IQGAP1: variants seen among roughly 807,000 people sequenced by gnomAD.
The protein encoded by IQGAP1 is IQ motif containing GTPase activating protein 1.
Under a neutral mutation model 215.6 loss-of-function variants are expected in IQGAP1, and 66 were observed. The ratio of observed to expected loss-of-function variants is 0.31; its 90% CI spans 0.25 to 0.38. The LOEUF (loss-of-function observed/expected upper bound fraction) is 0.38. IQGAP1 is among the 10% of genes least tolerant of loss of function. The pLI is 1.00. For synonymous variants in IQGAP1, 772 were observed against 728.7 expected, an observed-to-expected ratio of 1.06 and a Z score of -0.96; for missense variants, 1,712 against 1,997.1, an observed-to-expected ratio of 0.86 and a Z score of 2.72.
At chr15:90,434,987 AT>A (rs1415972868) in intron 5 of IQGAP1, among the ~76,000 whole-genome samples, 7 of 152,156 alleles carry the variant, frequency 4.6e-5, no homozygotes, top group Non-Finnish European at 1.5e-5. Context: ...GGCATCCTCT[AT>A]GTGTGCTTGC....
Position 90,398,304 on chromosome 15 carries a change from C to A in IQGAP1, c.155+7431C>A, listed in dbSNP as rs548311576. Among the ~76,000 whole-genome samples, 3 of 152,194 alleles carry A rather than the reference C, an allele frequency of 2.0e-5. 1 individual carries two copies. The South Asian group carries it at 6.2e-4, about 32-fold the overall frequency. On this transcript the variant is annotated intron_variant, in intron 2 of 37. Coordinates refer to ENST00000268182, the MANE Select transcript of IQGAP1 (RefSeq NM_003870.4). ...GTAGCCCTAGTTTTTTCACTTCAGA[C>A]CTTAGCTTTTATCTGAAGGAAAACA...
chr15:90,489,537 A>G (rs1287536596), intron 33 of IQGAP1, among the ~76,000 whole-genome samples: 6 of 152,248 alleles, frequency 3.9e-5, no homozygotes, highest in Admixed American at 6.5e-5. Flanking sequence ...CTAAAAGCCC[A>G]GTATATAGAG....
chr15:90,488,318 T>G (rs1966158260), intron 33 of IQGAP1, among the ~76,000 whole-genome samples: 2 of 152,174 alleles, frequency 1.3e-5, no homozygotes, highest in South Asian at 4.1e-4. Context: ...AAATCATCTC[T>G]AGACTACTTA....
At chr15:90,414,459 C>T (rs1965015480) in intron 2 of IQGAP1, among the ~76,000 whole-genome samples, 1 of 152,164 alleles carries the variant, frequency 6.6e-6, no homozygotes, top group Non-Finnish European at 1.5e-5. Context: ...ACTCCCCTTA[C>T]AGGAGCCAAA....
At chr15:90,431,727 A>G (rs995191290) in intron 4 of IQGAP1, among the ~76,000 whole-genome samples, 1 of 152,218 alleles carries the variant, frequency 6.6e-6, no homozygotes, top group Admixed American at 6.5e-5. Context: ...AGAACTAATG[A>G]TAACCTAAAA....
chr15:90,432,754 A>G (rs1965319681), intron 4 of IQGAP1, among the ~76,000 whole-genome samples: 2 of 152,264 alleles, frequency 1.3e-5, no homozygotes, highest in South Asian at 4.1e-4. Flanking sequence ...ATGATTTCAC[A>G]GTCTTAATAT....
chr15:90,499,962 GT>G (rs1567147213), intron 37 of IQGAP1, 32 bp from the exon 38 acceptor site: 2 of 131,834 alleles, frequency 1.5e-5, no homozygotes, highest in South Asian at 1.9e-4. Context: ...CTGTCAAAAT[GT>G]TTTGTTTTGT....
intron 2 of IQGAP1, among the ~76,000 whole-genome samples, chr15:90,411,160 T>C (rs1050701582): frequency 6.6e-6 from 1 of 152,246 alleles, no homozygotes; most frequent in Non-Finnish European, 1.5e-5. Context: ...CATCCATCCT[T>C]ACCCCAGGTC....
intron 15 of IQGAP1, among the ~76,000 whole-genome samples, chr15:90,462,326 A>G (rs933098455): frequency 6.6e-6 from 1 of 152,162 alleles, no homozygotes; most frequent in Non-Finnish European, 1.5e-5. Context: ...TGTTTGGTAC[A>G]TTGTTACTGT....
chr15:90,426,022 C>A, intron 2 of IQGAP1, 88 bp from the exon 3 acceptor site: 1 of 1,302,344 alleles, frequency 7.7e-7, no homozygotes, highest in Non-Finnish European at 1.0e-6. Flanking sequence ...TAAGCTTCTC[C>A]AAGGAGAATG....
chr15:90,425,996 G>T, intron 2 of IQGAP1, 114 bp from the exon 3 acceptor site: 1 of 925,658 alleles, frequency 1.1e-6, no homozygotes, highest in East Asian at 2.9e-5. Flanking sequence ...GTAAAAGAGT[G>T]CTATTATGTT....
chr15:90,445,133 TA>T (rs1341226462), intron 9 of IQGAP1, among the ~76,000 whole-genome samples: 3 of 151,786 alleles, frequency 2.0e-5, no homozygotes, highest in Non-Finnish European at 4.4e-5. Flanking sequence ...AAAAATTAAT[TA>T]ATTAATTTTT....
chr15:90,402,211 C>A (rs2601198), intron 2 of IQGAP1, among the ~76,000 whole-genome samples: 28 of 152,192 alleles, frequency 1.8e-4, no homozygotes, highest in Non-Finnish European at 3.7e-4. Flanking sequence ...TTGTTGGACC[C>A]TTCCTAATTG....
At position 90,492,629 on chromosome 15, in the gene IQGAP1, A is replaced by G; in HGVS notation, c.4546A>G (p.Lys1516Glu). The change falls in exon 35 of 38, where the codon AAG becomes GAG. Residue 1516 changes from lysine to glutamate, a missense_variant. Lys to Glu is a moderately conservative substitution (Grantham distance 56, BLOSUM62 1). Around this residue, in one of 2 missense-constraint regions of IQGAP1, gnomAD observed 691 missense variants for 923.0 expected, o/e 0.75. Coordinates refer to ENST00000268182, the MANE Select transcript of IQGAP1 (RefSeq NM_003870.4). ...ACAGACATACGCTGCTCTGAACTCT[A>G]AGGCCACCTTTTATGGGGAGCAGGT... ...LQQTYAALNSKATFYGEQVDY... is the reference protein window; with the variant it reads ...LQQTYAALNSEATFYGEQVDY... 1 of 1,614,116 alleles carries G rather than the reference A, an allele frequency of 6.2e-7. No individual in the cohort carries two copies. Among genetic ancestry groups the G allele is most frequent in the South Asian group, 1.1e-5 (1 of 91,074 alleles).
rs778382730 is a variant in IQGAP1 at position 90,500,012 on chromosome 15, G to A, written c.4878G>A (p.Gln1626=). The change falls in exon 38 of 38, where the codon CAG becomes CAA. Residue 1626 remains glutamine, a synonymous_variant. Transcript: ENST00000268182. ...GTTAATAGGACCTGCTGCAGCTACA[G>A]TATGAAGGAGTTGCAGTCATGAAAT... is the stretch of plus-strand genomic sequence containing the variant. The part of the protein sequence containing the change: ...MLHYQDLLQL[Q]YEGVAVMKLF... 1.9e-6 allele frequency: 3 copies of A among 1,601,388 alleles called. No homozygotes were observed. The highest frequency in any genetic ancestry group is 3.3e-5 in the Admixed American group (2 of 60,006).
At chr15:90,428,268 G>T (rs372655441) in intron 3 of IQGAP1, among the ~76,000 whole-genome samples, 5 of 149,404 alleles carry the variant, frequency 3.3e-5, no homozygotes, top group African/African-American at 1.2e-4. Context: ...TAGAGATGGG[G>T]GTCTCACTAT....
chr15:90,390,722 A>T, intron 1 of IQGAP1, 52 bp from the exon 2 acceptor site: 1 of 1,228,752 alleles, frequency 8.1e-7, no homozygotes, highest in Non-Finnish European at 1.2e-6. Flanking sequence ...ATCTTTTATC[A>T]CTCAGGAAGG....
Position 90,474,634 on chromosome 15 carries a change from G to A in IQGAP1, c.2725G>A (p.Asp909Asn), listed in dbSNP as rs1965952374. Residue 909 changes from aspartate to asparagine, a missense_variant, in exon 23 of 38, where the codon GAC becomes AAC. Around this residue, in one of 2 missense-constraint regions of IQGAP1, gnomAD observed 691 missense variants for 923.0 expected, o/e 0.75. Transcript: ENST00000268182. Reference protein sequence around the residue: ...LIRSNQQLENDLNLMDIKIGL... With the variant: ...LIRSNQQLENNLNLMDIKIGL... The stretch of plus-strand genomic sequence containing the variant: ...TCGTTCTAACCAGCAGCTGGAGAAT[G>A]ACCTCAATCTCATGGATATCAAAAT... 2 of 1,614,008 alleles carry A rather than the reference G, an allele frequency of 1.2e-6. No homozygotes were observed. Among genetic ancestry groups the A allele is most frequent in the Non-Finnish European group, 1.7e-6 (2 of 1,180,012 alleles).
chr15:90,478,863 TAATTA>T (rs1270144950), intron 26 of IQGAP1, among the ~76,000 whole-genome samples: 2 of 152,208 alleles, frequency 1.3e-5, no homozygotes, highest in Admixed American at 6.5e-5. Flanking sequence ...TGAGTTGGGC[TAATTA>T]AATTAACGTA....
Sources: allele counts gnomAD v4.1 joint callset (sites outside exome capture counted in the v4.1 genomes callset), GRCh38; gene constraint gnomAD v4.1.1; regional missense constraint gnomAD v4.1.1; transcripts MANE v1.5; gene names NCBI Gene and HGNC (gene_info 2026-07-23, HGNC 2026-07-21).